Variants in PLEKHA7 observed in about 807,000 individuals in gnomAD.
The protein encoded by PLEKHA7 is pleckstrin homology domain containing A7.
A neutral mutation model predicts 170.0 loss-of-function variants in PLEKHA7; 104 were observed. That is an observed-to-expected ratio of 0.61 (90% confidence interval 0.52 to 0.72). The LOEUF (loss-of-function observed/expected upper bound fraction) is 0.72. Ranked by LOEUF, PLEKHA7 falls within the 30% of genes least tolerant of loss-of-function variation. The probability of loss-of-function intolerance (pLI) is 0.00; values close to 1 mark genes in which losing one functional copy is unlikely to be tolerated. For synonymous variants in PLEKHA7, 648 were observed against 660.8 expected, an observed-to-expected ratio of 0.98 and a Z score of 0.30; for missense variants, 1,615 against 1,671.7, an observed-to-expected ratio of 0.97 and a Z score of 0.59.
At chr11:16,818,374 C>G (rs1849936371) in intron 10 of PLEKHA7, among the ~76,000 whole-genome samples, 1 of 152,208 alleles carries the variant, frequency 6.6e-6, no homozygotes, top group Admixed American at 6.5e-5. Context: ...CGTGTGTACC[C>G]TTCCTGCCCT....
At chr11:16,994,391 G>A (rs1262581850) in intron 3 of PLEKHA7, among the ~76,000 whole-genome samples, 2 of 152,142 alleles carry the variant, frequency 1.3e-5, no homozygotes, top group African/African-American at 4.8e-5. Flanking sequence ...TTTACAGCAG[G>A]AGTGCTGCCA....
At chr11:16,876,889 G>A (rs973561556) in intron 3 of PLEKHA7, among the ~76,000 whole-genome samples, 1 of 152,202 alleles carries the variant, frequency 6.6e-6, no homozygotes, top group Admixed American at 6.5e-5. Flanking sequence ...GGCATGGCAA[G>A]AAGTTCTGGC....
intron 3 of PLEKHA7, among the ~76,000 whole-genome samples, chr11:16,909,159 T>G (rs1858073527): frequency 6.6e-6 from 1 of 152,208 alleles, no homozygotes; most frequent in Non-Finnish European, 1.5e-5. Flanking sequence ...CAGTAAGTAC[T>G]CAGCAGCCAA....
chr11:16,847,993 A>C (rs1157730897), intron 8 of PLEKHA7, among the ~76,000 whole-genome samples: 1 of 152,198 alleles, frequency 6.6e-6, no homozygotes, highest in Non-Finnish European at 1.5e-5. Context: ...CCAAGGCTGA[A>C]TCAGCAACAG....
intron 3 of PLEKHA7, among the ~76,000 whole-genome samples, chr11:16,947,642 G>A (rs1489530580): frequency 5.3e-5 from 8 of 151,132 alleles, no homozygotes; most frequent in Middle Eastern, 3.4e-3. Flanking sequence ...ATGGCTGGGC[G>A]CGGTGGCTCA....
intron 3 of PLEKHA7, among the ~76,000 whole-genome samples, chr11:16,893,006 TC>T (rs1856768261): frequency 6.6e-6 from 1 of 152,180 alleles, no homozygotes; most frequent in African/African-American, 2.4e-5. Context: ...GGGACACTAA[TC>T]CCATTCATGA....
At chr11:16,982,113 C>T (rs1301356496) in intron 3 of PLEKHA7, among the ~76,000 whole-genome samples, 3 of 152,204 alleles carry the variant, frequency 2.0e-5, no homozygotes, top group Non-Finnish European at 4.4e-5. Context: ...CAAGTCTCCC[C>T]CAGGAAGCTG....
intron 3 of PLEKHA7, among the ~76,000 whole-genome samples, chr11:16,966,742 G>T (rs1862399402): frequency 6.6e-6 from 1 of 150,700 alleles, no homozygotes; most frequent in Non-Finnish European, 1.5e-5. Context: ...GCAGGACTTT[G>T]TCATCTCAGA....
At chr11:16,932,182 A>G (rs1476081355) in intron 3 of PLEKHA7, among the ~76,000 whole-genome samples, 1 of 151,908 alleles carries the variant, frequency 6.6e-6, no homozygotes, top group Non-Finnish European at 1.5e-5. Context: ...AAAAATACCT[A>G]CCTCTGTAGT....
chr11:16,881,515 C>T (rs917915944), intron 3 of PLEKHA7: 2 of 152,280 alleles, frequency 1.3e-5, no homozygotes, highest in South Asian at 4.1e-4. Context: ...CAGGCAGGAA[C>T]ACAGTTCCAG....
chr11:16,961,428 T>C (rs529875636), intron 3 of PLEKHA7, among the ~76,000 whole-genome samples: 2 of 152,360 alleles, frequency 1.3e-5, no homozygotes, highest in African/African-American at 2.4e-5. Context: ...TCAAAGGCTA[T>C]GAGCCTTCCT....
intron 3 of PLEKHA7, among the ~76,000 whole-genome samples, chr11:16,908,051 GATGCTTGAAGGCAGCATGCTCGTTA>G: frequency 1.3e-5 from 2 of 151,862 alleles, no homozygotes; most frequent in Admixed American, 1.3e-4. Flanking sequence ...TTGTTAAACA[GATGCTTGAAGGCAGCATGCTCGTTA>G]AGAGTCATCA....
intron 3 of PLEKHA7, among the ~76,000 whole-genome samples, chr11:17,004,616 C>T (rs1864875619): frequency 6.6e-6 from 1 of 152,088 alleles, no homozygotes; most frequent in African/African-American, 2.4e-5. Context: ...TTGTCTTAAA[C>T]TTCTGACCTC....
At chr11:16,985,814 A>G (rs966036034) in intron 3 of PLEKHA7, among the ~76,000 whole-genome samples, 1 of 152,264 alleles carries the variant, frequency 6.6e-6, no homozygotes, top group African/African-American at 2.4e-5. Flanking sequence ...TGCAAGCTCC[A>G]TGCCCACAGG....
chr11:16,847,079 TTTTTTTTTTTC>T (rs543685277), intron 8 of PLEKHA7, among the ~76,000 whole-genome samples: 8,849 of 135,178 alleles, frequency 0.065, 378 homozygotes, highest in East Asian at 0.1. Flanking sequence ...GTGGCTGAAG[TTTTTTTTTTTC>T]TTTTTTTTTT....
At chr11:16,983,665 G>A (rs527283551) in intron 3 of PLEKHA7, among the ~76,000 whole-genome samples, 157 of 152,272 alleles carry the variant, frequency 1.0e-3, no homozygotes, top group African/African-American at 3.6e-3. Flanking sequence ...GCACCACCAC[G>A]CCTCACCATG....
intron 3 of PLEKHA7, among the ~76,000 whole-genome samples, chr11:16,982,659 G>A (rs1863500626): frequency 1.3e-5 from 2 of 152,056 alleles, no homozygotes; most frequent in African/African-American, 4.8e-5. Context: ...CCGTCCTCCT[G>A]TGCAGCTCTC....
At chr11:16,845,945 G>T (rs988690211) in intron 8 of PLEKHA7, among the ~76,000 whole-genome samples, 2 of 152,160 alleles carry the variant, frequency 1.3e-5, no homozygotes, top group African/African-American at 4.8e-5. Context: ...AAGGATAAGA[G>T]TCTCAAGTTT....
Position 16,874,087 on chromosome 11 carries a change from T to C in PLEKHA7, c.222-2905A>G, listed in dbSNP as rs57606995. On this transcript the variant is annotated intron_variant, in intron 3 of 26. Transcript: ENST00000531066. ...GCCCTGCTCATAACGGAAATAACCA[T>C]AAAGCATTAACACCACTATCTGTGA... Among the ~76,000 whole-genome samples the C allele has an allele frequency of 7.3e-3, 1,116 of 152,288 alleles. 16 individuals are homozygous for C. Among genetic ancestry groups the C allele is most frequent in the African/African-American group, 0.025 (1,038 of 41,554 alleles).
Sources: gnomAD v4.1 joint callset for allele counts (sites outside exome capture counted in the v4.1 genomes callset) on GRCh38, gnomAD v4.1.1 for gene constraint, MANE v1.5 for transcripts, NCBI Gene and HGNC (gene_info 2026-07-23, HGNC 2026-07-21) for gene names.